The following ADAMTSL3 variants were observed in gnomAD, a reference collection of about 807,000 sequenced individuals.
ADAMTSL3 encodes ADAMTS-like protein 3.
Under a neutral mutation model 201.7 loss-of-function variants are expected in ADAMTSL3, and 128 were observed. The ratio of observed to expected loss-of-function variants is 0.63; its 90% CI spans 0.55 to 0.73. The LOEUF is 0.73. Among genes scored for constraint, ADAMTSL3 ranks in the 30% least tolerant of loss-of-function variants. The probability of loss-of-function intolerance (pLI) is 0.00; values close to 1 mark genes in which losing one functional copy is unlikely to be tolerated. For synonymous variants in ADAMTSL3, 738 were observed against 748.4 expected (o/e 0.99, Z 0.23); for missense variants, 1,990 against 2,119.6 (o/e 0.94, Z 1.20).
At chr15:84,010,846 C>T (rs2067994767) in intron 23 of ADAMTSL3, among the ~76,000 whole-genome samples, 2 of 152,200 alleles carry the variant, frequency 1.3e-5, no homozygotes, top group South Asian at 4.1e-4. Context: ...GGCTCCTGCT[C>T]CTGTTCCCAT....
intron 12 of ADAMTSL3, 152 bp from the exon 13 acceptor site, chr15:83,892,532 C>CA (rs960413960): frequency 1.5e-4 from 113 of 747,302 alleles, no homozygotes; most frequent in Middle Eastern, 4.0e-4. Context: ...TCTGTCTCAA[C>CA]AAAAAAAAGT....
intron 4 of ADAMTSL3, among the ~76,000 whole-genome samples, chr15:83,798,967 A>G (rs972419452): frequency 6.6e-6 from 1 of 152,104 alleles, no homozygotes; most frequent in African/African-American, 2.4e-5. Context: ...TGCTCCCCAC[A>G]TTTTAGGCAG....
intron 3 of ADAMTSL3, among the ~76,000 whole-genome samples, chr15:83,724,696 G>A (rs879186378): frequency 2.0e-5 from 3 of 150,972 alleles, no homozygotes; most frequent in African/African-American, 4.9e-5. Context: ...TTCCCCCACC[G>A]CCACTATCCT....
intron 21 of ADAMTSL3, among the ~76,000 whole-genome samples, chr15:83,985,911 T>G (rs1438281044): frequency 6.6e-6 from 1 of 152,036 alleles, no homozygotes; most frequent in East Asian, 1.9e-4. Flanking sequence ...ATTACAGGCA[T>G]GAGTCGCCAC....
chr15:83,811,844 C>T (rs1313910227), intron 5 of ADAMTSL3, among the ~76,000 whole-genome samples: 2 of 152,116 alleles, frequency 1.3e-5, no homozygotes, highest in Non-Finnish European at 2.9e-5. Flanking sequence ...CAACAAAATT[C>T]CTTATTTGTA....
At chr15:83,906,621 A>C (rs1390522003) in intron 15 of ADAMTSL3, among the ~76,000 whole-genome samples, 4 of 24,468 alleles carry the variant, frequency 1.6e-4, no homozygotes, top group East Asian at 1.9e-3. Flanking sequence ...AGTGCCACAC[A>C]CCACACACAC....
At chr15:83,751,550 G>A (rs924434760) in intron 3 of ADAMTSL3, among the ~76,000 whole-genome samples, 2 of 152,118 alleles carry the variant, frequency 1.3e-5, no homozygotes, top group Non-Finnish European at 2.9e-5. Context: ...TTTTTCTGAT[G>A]TAAATTTTTT....
intron 17 of ADAMTSL3, among the ~76,000 whole-genome samples, chr15:83,926,330 T>G (rs1356767907): frequency 6.6e-6 from 1 of 152,200 alleles, no homozygotes; most frequent in East Asian, 1.9e-4. Flanking sequence ...AGGGCCACGG[T>G]AAGCACTTGG....
chr15:83,688,282 A>G (rs1161191557), intron 2 of ADAMTSL3, among the ~76,000 whole-genome samples: 1 of 152,340 alleles, frequency 6.6e-6, no homozygotes, highest in South Asian at 2.1e-4. Context: ...GAGTTGCCAC[A>G]TTATATTATT....
At chr15:83,959,045 A>G (rs1056922037) in intron 19 of ADAMTSL3, among the ~76,000 whole-genome samples, 7 of 152,244 alleles carry the variant, frequency 4.6e-5, no homozygotes, top group African/African-American at 1.7e-4. Flanking sequence ...ACCAAAAATC[A>G]TAACAGAACA....
At chr15:83,701,788 T>TC (rs2061781971) in intron 2 of ADAMTSL3, among the ~76,000 whole-genome samples, 3 of 152,252 alleles carry the variant, frequency 2.0e-5, no homozygotes, top group Non-Finnish European at 2.9e-5. Context: ...CAGTCTCGAG[T>TC]ATGTCATTAC....
intron 6 of ADAMTSL3, among the ~76,000 whole-genome samples, chr15:83,826,311 T>C (rs57609708): frequency 6.6e-6 from 1 of 152,028 alleles, no homozygotes; most frequent in East Asian, 1.9e-4. Flanking sequence ...TTTGTAGAGA[T>C]CAGGTCTCAC....
chr15:83,678,473 CTG>C, intron 2 of ADAMTSL3, among the ~76,000 whole-genome samples: 1 of 151,692 alleles, frequency 6.6e-6, no homozygotes, highest in East Asian at 1.9e-4. Context: ...CCTTCTGTCT[CTG>C]TGGTTTCAGA....
At chr15:83,848,158 C>CT (rs1356424172) in intron 7 of ADAMTSL3, among the ~76,000 whole-genome samples, 4 of 150,742 alleles carry the variant, frequency 2.7e-5, no homozygotes, top group African/African-American at 7.3e-5. Context: ...ACCCAACCAA[C>CT]TAAAAAAACA....
At chr15:83,760,535 G>T (rs1385264817) in intron 3 of ADAMTSL3, among the ~76,000 whole-genome samples, 1 of 152,006 alleles carries the variant, frequency 6.6e-6, no homozygotes. Flanking sequence ...TCCATATTCT[G>T]TATCGTTACT....
intron 3 of ADAMTSL3, among the ~76,000 whole-genome samples, chr15:83,767,927 C>A (rs2062919081): frequency 6.6e-6 from 1 of 152,174 alleles, no homozygotes; most frequent in African/African-American, 2.4e-5. Flanking sequence ...ATGTCCCACA[C>A]ATTTATCAGG....
intron 3 of ADAMTSL3, among the ~76,000 whole-genome samples, chr15:83,761,223 T>C (rs1002081932): frequency 6.6e-6 from 1 of 152,184 alleles, no homozygotes; most frequent in Admixed American, 6.5e-5. Context: ...TCTTCATGGA[T>C]GATACAAGGA....
chr15:83,913,294 G>C lies in ADAMTSL3; in HGVS notation c.1903G>C (p.Asp635His). ...CDESPASREL[D>H]IPLPEDSETT... ...TGAGAGCCCGGCCTCCCGAGAGCTA[G>C]ACATCCCTCTCCCTGAGGACAGTGA... Residue 635 changes from aspartate (D) to histidine (H), a missense_variant, in exon 16 of 30, where the codon GAC becomes CAC. Physicochemically the swap from Asp to His is moderately conservative, Grantham distance 81. Coordinates refer to ENST00000286744, the MANE Select transcript of ADAMTSL3 (RefSeq NM_207517.3). 6.2e-7 allele frequency: 1 copy of C among 1,614,018 alleles called. No homozygotes were observed. Among genetic ancestry groups the C allele is most frequent in the Non-Finnish European group, 8.5e-7 (1 of 1,180,022 alleles).
At chr15:83,732,438 A>G (rs967375125) in intron 3 of ADAMTSL3, among the ~76,000 whole-genome samples, 1 of 152,152 alleles carries the variant, frequency 6.6e-6, no homozygotes, top group African/African-American at 2.4e-5. Flanking sequence ...AGTTCAAAAC[A>G]TACACGAGTA....
Sources: allele counts gnomAD v4.1 joint callset (sites outside exome capture counted in the v4.1 genomes callset), GRCh38; gene constraint gnomAD v4.1.1; transcripts MANE v1.5; gene names NCBI Gene and HGNC (gene_info 2026-07-23, HGNC 2026-07-21).